PLD5: variants seen among roughly 807,000 people sequenced by gnomAD.
PLD5 encodes the protein phospholipase D family member 5.
A neutral mutation model predicts 61.1 loss-of-function variants in PLD5; 36 were observed. The ratio of observed to expected loss-of-function variants is 0.59; its 90% CI spans 0.45 to 0.78. PLD5 has a LOEUF of 0.78. Among genes scored for constraint, PLD5 ranks in the 30% least tolerant of loss-of-function variants. PLD5 has a pLI of 0.00. For synonymous variants in PLD5, 243 were observed against 242.8 expected (o/e 1.00, Z -0.01); for missense variants, 515 against 644.4 (o/e 0.80, Z 2.17).
intron 5 of PLD5, among the ~76,000 whole-genome samples, chr1:242,146,503 G>C (rs923240830): frequency 6.6e-6 from 1 of 152,068 alleles, no homozygotes; most frequent in Non-Finnish European, 1.5e-5. Flanking sequence ...TTATAAGAGA[G>C]ATGGCTTCAA....
intron 2 of PLD5, among the ~76,000 whole-genome samples, chr1:242,333,563 AAAC>A (rs768603437): frequency 2.6e-5 from 4 of 152,112 alleles, no homozygotes; most frequent in Non-Finnish European, 5.9e-5. Flanking sequence ...CTTTTTCTAA[AAAC>A]AACATTTTAA....
chr1:242,246,653 T>C (rs1672383177), intron 4 of PLD5, among the ~76,000 whole-genome samples: 1 of 152,208 alleles, frequency 6.6e-6, no homozygotes, highest in African/African-American at 2.4e-5. Context: ...TGTAGACTAC[T>C]GCTTTTCACT....
chr1:242,371,183 C>G (rs936505384), intron 1 of PLD5, among the ~76,000 whole-genome samples: 5 of 152,232 alleles, frequency 3.3e-5, no homozygotes, highest in African/African-American at 7.2e-5. Context: ...CACTAGTGTT[C>G]AGTTTCTCCT....
intron 5 of PLD5, among the ~76,000 whole-genome samples, chr1:242,168,647 T>G (rs1227884476): frequency 6.6e-6 from 1 of 152,172 alleles, no homozygotes; most frequent in Non-Finnish European, 1.5e-5. Flanking sequence ...AAACCAAGCT[T>G]GTTGGGAATG....
chr1:242,383,223 TA>T (rs1409892051), intron 1 of PLD5, among the ~76,000 whole-genome samples: 1 of 152,196 alleles, frequency 6.6e-6, no homozygotes, highest in Non-Finnish European at 1.5e-5. Flanking sequence ...CTTTTATAAT[TA>T]TTTTTAACTG....
chr1:242,213,493 T>C (rs751889990), intron 5 of PLD5, among the ~76,000 whole-genome samples: 25 of 152,184 alleles, frequency 1.6e-4, no homozygotes, highest in Non-Finnish European at 3.5e-4. Context: ...TTTGGAAATA[T>C]CTTGGGTACA....
intron 5 of PLD5, among the ~76,000 whole-genome samples, chr1:242,198,100 GAATA>G (rs1668756652): frequency 6.6e-6 from 1 of 151,062 alleles, no homozygotes; most frequent in African/African-American, 2.5e-5. Context: ...ATGAATGAAT[GAATA>G]AATGAACCAA....
chr1:242,109,588 C>A (rs1307766989), intron 7 of PLD5, among the ~76,000 whole-genome samples: 1 of 152,278 alleles, frequency 6.6e-6, no homozygotes, highest in Non-Finnish European at 1.5e-5. Flanking sequence ...CCCTTGCCCC[C>A]TCTCCAGTTA....
At chr1:242,423,976 G>A (rs1665283469) in intron 1 of PLD5, among the ~76,000 whole-genome samples, 1 of 137,442 alleles carries the variant, frequency 7.3e-6, no homozygotes, top group Non-Finnish European at 1.6e-5. Flanking sequence ...AGATGAAACT[G>A]ATGCCAACAA....
At chr1:242,171,459 G>A (rs1044880735) in intron 5 of PLD5, among the ~76,000 whole-genome samples, 9 of 152,078 alleles carry the variant, frequency 5.9e-5, no homozygotes, top group African/African-American at 1.7e-4. Context: ...AAAGACCATC[G>A]ACACTAGGAA....
intron 5 of PLD5, among the ~76,000 whole-genome samples, chr1:242,160,915 A>C (rs1367196918): frequency 1.3e-5 from 2 of 151,904 alleles, no homozygotes; most frequent in Admixed American, 1.3e-4. Flanking sequence ...AGTTTATTTC[A>C]TGACTAAAGT....
At chr1:242,168,829 AG>A (rs781473979) in intron 5 of PLD5, among the ~76,000 whole-genome samples, 1 of 133,060 alleles carries the variant, frequency 7.5e-6, no homozygotes, top group East Asian at 2.3e-4. Context: ...TATCCATGAC[AG>A]TTTTTAATTA....
rs549189746 is a variant in PLD5 at position 242,100,926 on chromosome 1, A to G, written c.1240-144T>C. 5.1e-5 allele frequency: 31 copies of G among 607,470 alleles called. 1 individual carries two copies. The South Asian group carries it at 6.1e-4, about 12-fold the overall frequency. The allele number at this position is 607,470 out of a possible 1,614,324, so 37.6% of individuals were successfully genotyped here. A position where few individuals can be genotyped will look rare whatever the true frequency, so the allele number is the denominator to read the frequency against. On this transcript the variant is annotated intron_variant, in intron 8 of 9. Coordinates refer to ENST00000536534, the MANE Select transcript of PLD5 (RefSeq NM_001372062.1). The stretch of plus-strand genomic sequence containing the variant: ...GCCATAATCTTATTACCTCATATAG[A>G]TGAAGCTATTTTTGTTCTCAAATCT...
chr1:242,120,215 T>A (rs1461236076), intron 6 of PLD5, among the ~76,000 whole-genome samples: 1 of 152,088 alleles, frequency 6.6e-6, no homozygotes, highest in Non-Finnish European at 1.5e-5. Context: ...TTTTTCTTTG[T>A]GGTGAAAAAA....
At chr1:242,143,210 CTTT>C (rs1166615102) in intron 5 of PLD5, among the ~76,000 whole-genome samples, 1 of 151,564 alleles carries the variant, frequency 6.6e-6, no homozygotes, top group Non-Finnish European at 1.5e-5. Flanking sequence ...TTCTTTTTTT[CTTT>C]TTTCTTTTTT....
intron 1 of PLD5, chr1:242,449,619 T>A (rs1284588373): frequency 2.0e-6 from 2 of 998,446 alleles, no homozygotes; most frequent in Non-Finnish European, 2.8e-6. Context: ...CATAGGCCCC[T>A]CATTTAGCAT....
At chr1:242,098,974 G>A (rs2148664164) in intron 9 of PLD5, among the ~76,000 whole-genome samples, 1 of 152,262 alleles carries the variant, frequency 6.6e-6, no homozygotes, top group Admixed American at 6.5e-5. Flanking sequence ...CCCCTACTGG[G>A]GGGTGCCTCC....
chr1:242,348,382 T>C, intron 1 of PLD5, 140 bp from the exon 2 acceptor site: 4 of 932,898 alleles, frequency 4.3e-6, no homozygotes, highest in East Asian at 2.7e-5. Context: ...ATCTATTCTC[T>C]AGTGAACATG....
intron 1 of PLD5, among the ~76,000 whole-genome samples, chr1:242,373,094 C>T (rs1269112432): frequency 6.6e-6 from 1 of 152,076 alleles, no homozygotes; most frequent in Non-Finnish European, 1.5e-5. Flanking sequence ...AACAAATTTA[C>T]AAGAAAAAAA....
Sources: allele counts gnomAD v4.1 joint callset (sites outside exome capture counted in the v4.1 genomes callset), GRCh38; gene constraint gnomAD v4.1.1; transcripts MANE v1.5; gene names NCBI Gene and HGNC (gene_info 2026-07-23, HGNC 2026-07-21).